SHROOM4: variants seen among roughly 807,000 people sequenced by gnomAD.
SHROOM4 encodes the protein shroom family member 4, also known as protein Shroom4.
Under a neutral mutation model 80.3 loss-of-function variants are expected in SHROOM4, and 17 were observed. The ratio of observed to expected loss-of-function variants is 0.21; its 90% CI spans 0.14 to 0.32. SHROOM4 has a LOEUF of 0.32. Among genes scored for constraint, SHROOM4 ranks in the 10% least tolerant of loss-of-function variants. SHROOM4 has a pLI of 1.00. For missense variants in SHROOM4, 993 were observed against 1,140.3 expected (o/e 0.87, Z 1.86); for synonymous variants, 400 against 437.5 (o/e 0.91, Z 1.07).
At chrX:50,786,140 C>A (rs1557271052) in intron 1 of SHROOM4, among the ~76,000 whole-genome samples, 1 of 111,841 alleles carries the variant, frequency 8.9e-6, no homozygotes, top group African/African-American at 3.3e-5. Flanking sequence ...CAGAGCCATA[C>A]AATTGGGAAG....
chrX:50,666,064 G>A (rs782634653), intron 2 of SHROOM4, among the ~76,000 whole-genome samples: 31 of 112,178 alleles, frequency 2.8e-4, no homozygotes, highest in African/African-American at 9.1e-4. Context: ...ACTCAGCCCC[G>A]TTTATACAGG....
intron 2 of SHROOM4, among the ~76,000 whole-genome samples, chrX:50,690,309 T>A: frequency 8.9e-6 from 1 of 112,045 alleles, no homozygotes; most frequent in Non-Finnish European, 1.9e-5. Context: ...CCATTTGTCA[T>A]TTAAATTTTA....
At chrX:50,611,136 C>CTTTTTTT (rs1432209307) in intron 5 of SHROOM4, among the ~76,000 whole-genome samples, 2 of 72,915 alleles carry the variant, frequency 2.7e-5, no homozygotes, top group Non-Finnish European at 2.6e-5. Flanking sequence ...ACCATATTTT[C>CTTTTTTT]TTTTTTTCTT....
At chrX:50,585,974 A>T (rs781975295), downstream of SHROOM4, among the ~76,000 whole-genome samples, 83 of 111,612 alleles carry the variant, frequency 7.4e-4, no homozygotes, top group African/African-American at 2.1e-3. Context: ...TAAATGCATA[A>T]TATTATCTAA....
chrX:50,750,983 C>A (rs916782921), intron 1 of SHROOM4, among the ~76,000 whole-genome samples: 17 of 112,318 alleles, frequency 1.5e-4, no homozygotes, highest in African/African-American at 5.5e-4. Flanking sequence ...GTTTGTCTTG[C>A]TCAGTAAAAA....
At chrX:50,801,285 A>AGAGAGAGAGAGAGAGAGAGAGAGAGG (rs1569549259) in intron 1 of SHROOM4, among the ~76,000 whole-genome samples, 4 of 107,011 alleles carry the variant, frequency 3.7e-5, no homozygotes, top group African/African-American at 1.4e-4. Context: ...AGAGAGAGAG[A>AGAGAGAGAGAGAGAGAGAGAGAGAGG]GAGAGAACAC....
At chrX:50,625,272 C>T (rs928952604) in intron 5 of SHROOM4, among the ~76,000 whole-genome samples, 27 of 112,041 alleles carry the variant, frequency 2.4e-4, no homozygotes, top group African/African-American at 8.8e-4. Context: ...AACCTATTTA[C>T]CCAACAATTT....
intron 1 of SHROOM4, among the ~76,000 whole-genome samples, chrX:50,790,097 G>A (rs1321447478): frequency 8.9e-6 from 1 of 111,834 alleles, no homozygotes; most frequent in African/African-American, 3.2e-5. Context: ...TAAAAATATG[G>A]TATTACAATC....
In SHROOM4 at chrX:50,602,837, T is replaced by A. The variant is rs368745687; in HGVS notation, c.3762-24A>T. On this transcript the variant is annotated intron_variant, in intron 6 of 8. Coordinates refer to ENST00000376020, the MANE Select transcript of SHROOM4 (RefSeq NM_020717.5). ...GTCTGTGGAAACAAAGAATGACCAT[T>A]TGAGCACCTCTGTTGAGAGGCTGCT... 4 of 1,188,505 alleles carry A rather than the reference T, an allele frequency of 3.4e-6. No individual in the cohort carries two copies. The African/African-American group carries it at 7.1e-5, about 21-fold the overall frequency.
intron 1 of SHROOM4, among the ~76,000 whole-genome samples, chrX:50,784,153 G>C (rs1935688993): frequency 9.0e-6 from 1 of 111,670 alleles, no homozygotes; most frequent in Non-Finnish European, 1.9e-5. Context: ...GTTTTGTTTA[G>C]AGATGGGGTC....
chrX:50,680,379 C>T (rs1932914863), intron 2 of SHROOM4, among the ~76,000 whole-genome samples: 1 of 111,833 alleles, frequency 8.9e-6, no homozygotes, highest in South Asian at 3.7e-4. Flanking sequence ...ATATTTTTTA[C>T]CTTGAAATAA....
intron 1 of SHROOM4, among the ~76,000 whole-genome samples, chrX:50,703,131 G>C (rs1933564102): frequency 9.0e-6 from 1 of 111,598 alleles, no homozygotes; most frequent in African/African-American, 3.3e-5. Flanking sequence ...CTCTTAGAAG[G>C]TAGAGGATTT....
At chrX:50,670,984 C>A (rs1016790737) in intron 2 of SHROOM4, among the ~76,000 whole-genome samples, 2 of 111,909 alleles carry the variant, frequency 1.8e-5, no homozygotes, top group African/African-American at 6.5e-5. Context: ...AATTACTCCC[C>A]AATCTATGGG....
chrX:50,786,409 G>A (rs1557271082), intron 1 of SHROOM4, among the ~76,000 whole-genome samples: 1 of 111,863 alleles, frequency 8.9e-6, no homozygotes, highest in Non-Finnish European at 1.9e-5. Context: ...CTTCTCTCTG[G>A]TGAGGAAAGG....
chrX:50,755,944 TA>T (rs1427718804), intron 1 of SHROOM4, among the ~76,000 whole-genome samples: 1 of 111,987 alleles, frequency 8.9e-6, no homozygotes, highest in Non-Finnish European at 1.9e-5. Flanking sequence ...ATGTTCTTTA[TA>T]AAATTATCAA....
rs1387415500 is a variant in SHROOM4, at chrX:50,590,542, G to A, written c.*6153C>T. On this transcript the variant is annotated 3_prime_UTR_variant, in exon 9 of 9. Coordinates refer to ENST00000376020, the MANE Select transcript of SHROOM4 (RefSeq NM_020717.5). ...TGGGATTACAGGCGTGAGCCACCGCGCCTGGCCGAGACCAGATCCCTTTCT... is the reference window on the plus strand; with the variant it reads ...TGGGATTACAGGCGTGAGCCACCGCACCTGGCCGAGACCAGATCCCTTTCT... Among the ~76,000 whole-genome samples, 2 of 110,982 alleles carry A rather than the reference G, an allele frequency of 1.8e-5. No homozygotes were observed. Among genetic ancestry groups the A allele is most frequent in the African/African-American group, 3.3e-5 (1 of 30,518 alleles).
At chrX:50,795,051 GATATATATATGATATATATATATGAT>G (rs1185340437) in intron 1 of SHROOM4, among the ~76,000 whole-genome samples, 6 of 2,514 alleles carry the variant, frequency 2.4e-3, no homozygotes, top group Admixed American at 0.019. Flanking sequence ...ATATATATAT[GATATATATATGATATATATATATGAT>G]ATATATATAT....
intron 1 of SHROOM4, among the ~76,000 whole-genome samples, chrX:50,744,954 G>A (rs1292838029): frequency 8.9e-6 from 1 of 112,081 alleles, no homozygotes; most frequent in Non-Finnish European, 1.9e-5. Context: ...CCTAGATCCA[G>A]TAAAGCTTCT....
At chrX:50,726,227 G>A (rs782045823) in intron 1 of SHROOM4, among the ~76,000 whole-genome samples, 5 of 112,024 alleles carry the variant, frequency 4.5e-5, no homozygotes, top group South Asian at 3.7e-4. Flanking sequence ...TTCTAAAAGC[G>A]TACAGTATAT....
Sources: allele counts gnomAD v4.1 joint callset (sites outside exome capture counted in the v4.1 genomes callset), GRCh38; gene constraint gnomAD v4.1.1; transcripts MANE v1.5; gene names NCBI Gene and HGNC (gene_info 2026-07-23, HGNC 2026-07-21).